ADAMTS6: variants seen among roughly 807,000 people sequenced by gnomAD.
ADAMTS6 encodes A disintegrin and metalloproteinase with thrombospondin motifs 6.
In ADAMTS6, 23 loss-of-function variants were observed where a neutral mutation model predicts 144.3. The observed-to-expected ratio is 0.16, with a 90% CI of 0.11 to 0.23. ADAMTS6 has a LOEUF of 0.23. ADAMTS6 is among the 10% of genes least tolerant of loss of function. The pLI is 1.00. For synonymous variants in ADAMTS6, 444 were observed against 457.5 expected (o/e 0.97, Z 0.38); for missense variants, 999 against 1,379.6 (o/e 0.72, Z 4.37).
intron 14 of ADAMTS6, among the ~76,000 whole-genome samples, chr5:65,247,053 A>C (rs542821869): frequency 2.6e-4 from 39 of 152,344 alleles, no homozygotes; most frequent in Admixed American, 3.9e-4. Context: ...GGGCATAAGC[A>C]ACAGATATTT....
chr5:65,215,721 G>A (rs527513801), intron 18 of ADAMTS6, among the ~76,000 whole-genome samples: 60 of 152,240 alleles, frequency 3.9e-4, no homozygotes, highest in Non-Finnish European at 6.9e-4. Context: ...TAACCTGGAG[G>A]AATAAACATG....
rs1184016494 is a variant in ADAMTS6 at position 65,438,372 on chromosome 5, C to CA, written c.1073+13102dup. On this transcript the variant is annotated intron_variant, in intron 7 of 24. Coordinates refer to ENST00000381055, the MANE Select transcript of ADAMTS6 (RefSeq NM_197941.4). ...GCTAAACCCATCTCTACTAAAAACA[C>CA]AAAAAATTAGCCAGCCGTGGTGTCG... Among the ~76,000 whole-genome samples the CA allele has an allele frequency of 1.8e-4, 27 of 152,072 alleles. No individual in the cohort carries two copies. The East Asian group carries it at 5.0e-3, about 28-fold the overall frequency.
At chr5:65,441,693 A>G (rs1202433686) in intron 7 of ADAMTS6, among the ~76,000 whole-genome samples, 2 of 152,138 alleles carry the variant, frequency 1.3e-5, no homozygotes, top group Non-Finnish European at 2.9e-5. Flanking sequence ...GCAAGTCTCA[A>G]TAAACTAAAA....
At chr5:65,298,897 T>C (rs1465615013) in intron 10 of ADAMTS6, among the ~76,000 whole-genome samples, 2 of 152,082 alleles carry the variant, frequency 1.3e-5, no homozygotes, top group African/African-American at 4.8e-5. Context: ...TATTAGTAGA[T>C]ATGAAGGAAA....
chr5:65,461,043 G>T (rs1580762995), intron 3 of ADAMTS6, among the ~76,000 whole-genome samples: 2 of 152,162 alleles, frequency 1.3e-5, no homozygotes, highest in Non-Finnish European at 2.9e-5. Context: ...CAGAGGACTT[G>T]CCCAATATTA....
intron 20 of ADAMTS6, among the ~76,000 whole-genome samples, chr5:65,212,733 G>A (rs1026610716): frequency 5.9e-5 from 9 of 152,230 alleles, no homozygotes; most frequent in African/African-American, 1.4e-4. Flanking sequence ...AGCAATTTCA[G>A]TACAAAGATG....
intron 7 of ADAMTS6, among the ~76,000 whole-genome samples, chr5:65,399,707 A>G (rs954051379): frequency 6.8e-6 from 1 of 148,140 alleles, no homozygotes. Flanking sequence ...ATACATGAGC[A>G]TATATAGATA....
chr5:65,291,518 T>C, intron 10 of ADAMTS6, 48 bp from the exon 11 acceptor site: 1 of 1,540,464 alleles, frequency 6.5e-7, no homozygotes, highest in East Asian at 2.3e-5. Flanking sequence ...TATGGGCTAT[T>C]TTAGTCACAA....
chr5:65,374,675 C>T (rs1488961595), intron 7 of ADAMTS6, among the ~76,000 whole-genome samples: 1 of 152,150 alleles, frequency 6.6e-6, no homozygotes, highest in African/African-American at 2.4e-5. Flanking sequence ...GTGAAAATGG[C>T]CATACTGCCC....
intron 24 of ADAMTS6, among the ~76,000 whole-genome samples, chr5:65,162,862 G>A (rs576418246): frequency 6.6e-6 from 1 of 152,108 alleles, no homozygotes; most frequent in Non-Finnish European, 1.5e-5. Flanking sequence ...ATGGATAAAA[G>A]AAATCATTTG....
intron 7 of ADAMTS6, among the ~76,000 whole-genome samples, chr5:65,372,810 C>T (rs1316640044): frequency 3.3e-5 from 5 of 152,080 alleles, no homozygotes; most frequent in African/African-American, 7.2e-5. Flanking sequence ...ATACATTTTT[C>T]TTAGCACCAC....
At chr5:65,410,194 C>G (rs1386991625) in intron 7 of ADAMTS6, among the ~76,000 whole-genome samples, 4 of 152,146 alleles carry the variant, frequency 2.6e-5, no homozygotes, top group Admixed American at 1.3e-4. Context: ...CACAAATGCT[C>G]AAGTACCAGA....
chr5:65,195,741 G>A (rs1418157425), intron 21 of ADAMTS6, among the ~76,000 whole-genome samples: 1 of 152,190 alleles, frequency 6.6e-6, no homozygotes, highest in Non-Finnish European at 1.5e-5. Flanking sequence ...AGAGAGTTTG[G>A]AACATACAAA....
In ADAMTS6 at chr5:65,398,778, GAGCAAGAAAGAAAGAA is replaced by G. The variant is rs1376389809; in HGVS notation, c.1073+52681_1073+52696del. Reference sequence around the variant, plus strand: ...GAAAGAGAGAGAGAGAAAGAAGAGAGAGCAAGAAAGAAAGAAAGAAAGAAAGAAAGAAAGAAAGAAA... The same window carrying G: ...GAAAGAGAGAGAGAGAAAGAAGAGAGAGAAAGAAAGAAAGAAAGAAAGAAA... On this transcript the variant is annotated intron_variant, in intron 7 of 24. Coordinates refer to ENST00000381055, the MANE Select transcript of ADAMTS6 (RefSeq NM_197941.4). Among the ~76,000 whole-genome samples, 193 of 44,050 alleles carry G rather than the reference GAGCAAGAAAGAAAGAA, an allele frequency of 4.4e-3. 1 individual carries two copies. Among genetic ancestry groups the G allele is most frequent in the Middle Eastern group, 0.011 (1 of 90 alleles). The allele number at this position is 44,050 out of a possible 152,430, so 28.9% of individuals were successfully genotyped here. A position where few individuals can be genotyped will look rare whatever the true frequency, so the allele number is the denominator to read the frequency against.
intron 6 of ADAMTS6, 31 bp from the exon 7 acceptor site, chr5:65,451,651 C>A: frequency 1.9e-6 from 3 of 1,606,836 alleles, no homozygotes; most frequent in Non-Finnish European, 2.5e-6. Flanking sequence ...CAGAAATGTT[C>A]CAAACAAATT....
At chr5:65,346,456 T>A (rs1437589664) in intron 7 of ADAMTS6, among the ~76,000 whole-genome samples, 1 of 151,708 alleles carries the variant, frequency 6.6e-6, no homozygotes, top group Non-Finnish European at 1.5e-5. Context: ...CTCAACAAAT[T>A]AGGTATAAAA....
chr5:65,324,250 A>T (rs1045260911), intron 9 of ADAMTS6, among the ~76,000 whole-genome samples: 2 of 152,202 alleles, frequency 1.3e-5, no homozygotes, highest in African/African-American at 4.8e-5. Flanking sequence ...CATATGGAAA[A>T]AAGATGAACC....
At chr5:65,474,467 A>G (rs1760699426) in intron 1 of ADAMTS6, among the ~76,000 whole-genome samples, 1 of 152,142 alleles carries the variant, frequency 6.6e-6, no homozygotes, top group African/African-American at 2.4e-5. Context: ...CAGTATCAGA[A>G]GCTAAACTTC....
chr5:65,238,710 A>T (rs1351621636), intron 15 of ADAMTS6, among the ~76,000 whole-genome samples: 1 of 152,214 alleles, frequency 6.6e-6, no homozygotes, highest in African/African-American at 2.4e-5. Context: ...TCAAAACCAT[A>T]AATCACTCAG....
Sources: allele counts gnomAD v4.1 joint callset (sites outside exome capture counted in the v4.1 genomes callset), GRCh38; gene constraint gnomAD v4.1.1; transcripts MANE v1.5; gene names NCBI Gene and HGNC (gene_info 2026-07-23, HGNC 2026-07-21).